HERC2: variants seen among roughly 807,000 people sequenced by gnomAD.
HERC2 encodes the protein E3 ubiquitin-protein ligase HERC2.
HERC2 carries 102 observed loss-of-function variants against 537.7 expected under a neutral mutation model. The ratio of observed to expected loss-of-function variants is 0.19; its 90% CI spans 0.16 to 0.22. The LOEUF (loss-of-function observed/expected upper bound fraction) is 0.22. Among genes scored for constraint, HERC2 ranks in the 10% least tolerant of loss-of-function variants. The pLI, the probability that HERC2 is intolerant of heterozygous loss-of-function variation, is 1.00. For synonymous variants in HERC2, 2,224 were observed against 2,466.2 expected (o/e 0.90, Z 2.91); for missense variants, 4,236 against 6,198.2 (o/e 0.68, Z 10.63).
intron 35 of HERC2, among the ~76,000 whole-genome samples, chr15:28,226,911 T>C (rs986356041): frequency 2.0e-5 from 3 of 152,250 alleles, no homozygotes; most frequent in African/African-American, 7.2e-5. Flanking sequence ...TTAATTCTTC[T>C]TTAAAGGTTT....
In HERC2 at chr15:28,145,017, T is replaced by C. The variant is rs148135506; in HGVS notation, c.11009-213A>G. Among the ~76,000 whole-genome samples, 63 of 152,380 alleles carry C rather than the reference T, an allele frequency of 4.1e-4. 1 individual carries two copies. In the East Asian group the frequency reaches 0.011, roughly 26 times the overall value. ...CTTCAGCAAACACGCATTCAGCCCC[T>C]GTACCAGGTACCCAGGAAACTGCGG... On this transcript the variant is annotated intron_variant, in intron 71 of 92. Coordinates refer to ENST00000261609, the MANE Select transcript of HERC2 (RefSeq NM_004667.6).
rs1165626860 is a variant in HERC2 at position 28,167,730 on chromosome 15, C to G, written c.10511G>C (p.Gly3504Ala). The change falls in exon 68 of 93, where the codon GGA becomes GCA. Residue 3504 changes from glycine (G) to alanine (A), a missense_variant. Gly to Ala is a moderately conservative substitution (Grantham distance 60). Coordinates refer to ENST00000261609, the MANE Select transcript of HERC2 (RefSeq NM_004667.6). ...GGTTTCTGCAATGATGCTTGCGGCT[C>G]CCAGGTCATCCGTCACTGGGATAAA... ...RPFIPVTDDL[G>A]AASIIAETMT... The G allele has an allele frequency of 6.8e-6, 11 of 1,614,028 alleles. No homozygotes were observed. The highest frequency in any genetic ancestry group is 9.3e-6 in the Non-Finnish European group (11 of 1,180,038).
At chr15:28,219,774 C>T (rs8040177) in intron 37 of HERC2, among the ~76,000 whole-genome samples, 12,202 of 152,164 alleles carry the variant, frequency 0.08, 1,672 homozygotes, top group African/African-American at 0.28. Context: ...GCGGTGCTTC[C>T]GGAGGCAGCC....
intron 88 of HERC2, among the ~76,000 whole-genome samples, chr15:28,116,275 A>G (rs995438443): frequency 6.9e-6 from 1 of 145,722 alleles, no homozygotes; most frequent in African/African-American, 2.6e-5. Context: ...GTGCAATGGT[A>G]CGATCTCAGC....
chr15:28,213,989 A>G lies in HERC2; in HGVS notation c.6556-17T>C, dbSNP rs1899570503. Reference sequence around the variant, plus strand: ...TAACTGGGCCTAGTGCAGACCAAACAGCGAGCTCGACAGAGACACTCACGG... The same window carrying G: ...TAACTGGGCCTAGTGCAGACCAAACGGCGAGCTCGACAGAGACACTCACGG... On this transcript the variant is annotated splice_polypyrimidine_tract_variant and intron_variant, in intron 41 of 92. Transcript: ENST00000261609. The G allele has an allele frequency of 6.2e-7, 1 of 1,611,904 alleles. No individual in the cohort carries two copies.
chr15:28,257,612 A>G (rs1436840541), intron 16 of HERC2, among the ~76,000 whole-genome samples: 2 of 152,248 alleles, frequency 1.3e-5, no homozygotes, highest in East Asian at 3.8e-4. Flanking sequence ...TGTTAGATGC[A>G]TATGACACAC....
At chr15:28,244,764 T>G (rs951182748) in intron 23 of HERC2, among the ~76,000 whole-genome samples, 1 of 152,142 alleles carries the variant, frequency 6.6e-6, no homozygotes, top group African/African-American at 2.4e-5. Context: ...TAAAAAACCA[T>G]GTTCAATGTC....
chr15:28,305,042 A>G (rs1169070610), intron 2 of HERC2, among the ~76,000 whole-genome samples: 1 of 149,258 alleles, frequency 6.7e-6, no homozygotes, highest in African/African-American at 2.5e-5. Context: ...AAAGGACATG[A>G]ACTCATCATT....
intron 55 of HERC2, among the ~76,000 whole-genome samples, chr15:28,188,510 C>T (rs1457124447): frequency 6.6e-6 from 1 of 150,414 alleles, no homozygotes; most frequent in Non-Finnish European, 1.5e-5. Flanking sequence ...CACCACTGCA[C>T]TCCAGCCTGG....
intron 10 of HERC2, among the ~76,000 whole-genome samples, chr15:28,270,216 T>C (rs2075681247): frequency 6.6e-6 from 1 of 151,720 alleles, no homozygotes; most frequent in African/African-American, 2.4e-5. Flanking sequence ...GATAGATAGA[T>C]AGATAGAACC....
At chr15:28,152,536 G>T in intron 70 of HERC2, 141 bp downstream of exon 70, 1 of 722,078 alleles carries the variant, frequency 1.4e-6, no homozygotes. Flanking sequence ...TGTTAGAAAA[G>T]GGGAGAAAAG....
chr15:28,150,914 G>T (rs1892381912), intron 70 of HERC2, among the ~76,000 whole-genome samples: 1 of 152,134 alleles, frequency 6.6e-6, no homozygotes. Flanking sequence ...AACTCTCATG[G>T]ACAAGTCTGA....
chr15:28,126,310 A>G (rs1889477972), intron 83 of HERC2, among the ~76,000 whole-genome samples: 2 of 152,302 alleles, frequency 1.3e-5, no homozygotes, highest in African/African-American at 2.4e-5. Context: ...ACGCTCCACT[A>G]TGGAAAAGTA....
intron 44 of HERC2, among the ~76,000 whole-genome samples, chr15:28,210,146 T>G (rs1410950935): frequency 2.0e-5 from 3 of 151,468 alleles, no homozygotes; most frequent in Non-Finnish European, 4.4e-5. Flanking sequence ...TATTTATTTA[T>G]TTTTTGAGAC....
intron 23 of HERC2, among the ~76,000 whole-genome samples, chr15:28,240,270 T>C (rs1320351067): frequency 6.6e-6 from 1 of 151,996 alleles, no homozygotes; most frequent in Non-Finnish European, 1.5e-5. Flanking sequence ...TACAAAAAAT[T>C]AGCCGGGCGT....
chr15:28,121,910 C>T (rs1324608917), intron 85 of HERC2, among the ~76,000 whole-genome samples: 1 of 145,330 alleles, frequency 6.9e-6, no homozygotes, highest in Non-Finnish European at 1.5e-5. Flanking sequence ...GCCTGCCATA[C>T]AGCAGCCACG....
At chr15:28,189,993 CTT>C (rs897974306) in intron 55 of HERC2, among the ~76,000 whole-genome samples, 3 of 147,256 alleles carry the variant, frequency 2.0e-5, no homozygotes, top group Non-Finnish European at 3.0e-5. Flanking sequence ...ACAAAAATAT[CTT>C]TTTTTTTCTT....
intron 2 of HERC2, among the ~76,000 whole-genome samples, chr15:28,313,635 A>G (rs536474133): frequency 1.3e-5 from 2 of 152,382 alleles, no homozygotes; most frequent in African/African-American, 2.4e-5. Flanking sequence ...TTTGCAGATG[A>G]GTAAAGGTAT....
At chr15:28,233,612 T>G (rs1370617486) in intron 28 of HERC2, 51 bp from the exon 29 acceptor site, 8 of 1,613,730 alleles carry the variant, frequency 5.0e-6, no homozygotes, top group Non-Finnish European at 6.8e-6. Flanking sequence ...TACCTCAGGT[T>G]AGTCGAGGAA....
Sources: allele counts gnomAD v4.1 joint callset (sites outside exome capture counted in the v4.1 genomes callset), GRCh38; gene constraint gnomAD v4.1.1; transcripts MANE v1.5; gene names NCBI Gene and HGNC (gene_info 2026-07-23, HGNC 2026-07-21).